Variants in ABI2 observed in about 807,000 individuals in gnomAD.
ABI2 encodes the protein abl interactor 2.
Under a neutral mutation model 59.2 loss-of-function variants are expected in ABI2, and 25 were observed. That is an observed-to-expected ratio of 0.42 (90% CI 0.31 to 0.59). ABI2 has a LOEUF of 0.59. Among genes scored for constraint, ABI2 ranks in the 20% least tolerant of loss-of-function variants. ABI2 has a pLI of 0.14. For synonymous variants in ABI2, 213 were observed against 235.5 expected (o/e 0.90, Z 0.87); for missense variants, 545 against 681.8 (o/e 0.80, Z 2.23).
intron 9 of ABI2, among the ~76,000 whole-genome samples, chr2:203,407,720 G>A (rs1260399891): frequency 6.6e-6 from 1 of 152,182 alleles, no homozygotes; most frequent in African/African-American, 2.4e-5. Context: ...TATTGGGAAA[G>A]AGTCTTGTCT....
At chr2:203,413,836 C>T (rs555484841) in intron 10 of ABI2, among the ~76,000 whole-genome samples, 1 of 152,158 alleles carries the variant, frequency 6.6e-6, no homozygotes, top group Non-Finnish European at 1.5e-5. Context: ...CAAATACTCA[C>T]TCTGCATTAA....
intron 2 of ABI2, 22 bp from the exon 3 acceptor site, chr2:203,380,185 GT>G: frequency 1.3e-6 from 2 of 1,482,084 alleles, no homozygotes; most frequent in Non-Finnish European, 1.8e-6. Flanking sequence ...TTTTTGTGTT[GT>G]TTTTTACATT....
chr2:203,344,978 T>C (rs958639236), intron 1 of ABI2, among the ~76,000 whole-genome samples: 1 of 151,964 alleles, frequency 6.6e-6, no homozygotes, highest in African/African-American at 2.4e-5. Flanking sequence ...CTCTGTAAAA[T>C]GGACCAATCA....
intron 1 of ABI2, among the ~76,000 whole-genome samples, chr2:203,352,050 C>T (rs973561774): frequency 6.6e-6 from 1 of 152,054 alleles, no homozygotes; most frequent in Non-Finnish European, 1.5e-5. Context: ...CGCTACTAGT[C>T]GTTATAGAAG....
chr2:203,366,364 T>TA (rs2094447691), intron 1 of ABI2, among the ~76,000 whole-genome samples: 1 of 152,160 alleles, frequency 6.6e-6, no homozygotes, highest in South Asian at 2.1e-4. Flanking sequence ...TGATTATTAT[T>TA]ACCATTTTAT....
At chr2:203,331,848 C>CGACA (rs2073835843) in intron 1 of ABI2, among the ~76,000 whole-genome samples, 1 of 146,880 alleles carries the variant, frequency 6.8e-6, no homozygotes, top group Admixed American at 6.8e-5. Flanking sequence ...TTCACTCTGT[C>CGACA]GCCCAGGCTG....
chr2:203,336,896 G>A (rs1277994966), intron 1 of ABI2, among the ~76,000 whole-genome samples: 2 of 152,112 alleles, frequency 1.3e-5, no homozygotes, highest in Non-Finnish European at 2.9e-5. Flanking sequence ...CGATGGTACC[G>A]TTTTGCGTTC....
chr2:203,411,780 G>T (rs1316713086), intron 10 of ABI2, among the ~76,000 whole-genome samples: 1 of 152,086 alleles, frequency 6.6e-6, no homozygotes, highest in African/African-American at 2.4e-5. Context: ...TTTATGGTAG[G>T]GCTCAGAGGA....
intron 10 of ABI2, among the ~76,000 whole-genome samples, chr2:203,415,758 T>C (rs1387172687): frequency 6.6e-6 from 1 of 152,212 alleles, no homozygotes; most frequent in Non-Finnish European, 1.5e-5. Context: ...GTGCTGTTCA[T>C]TAAACCTGGG....
At chr2:203,397,435 G>C (rs575743650) in intron 8 of ABI2, among the ~76,000 whole-genome samples, 21 of 152,252 alleles carry the variant, frequency 1.4e-4, no homozygotes, top group Non-Finnish European at 3.1e-4. Flanking sequence ...GAAACTCATA[G>C]ACAATGGACT....
chr2:203,374,722 G>A, intron 2 of ABI2: 1 of 408,804 alleles, frequency 2.4e-6, no homozygotes, highest in South Asian at 1.7e-5. Context: ...TAATTTAAAT[G>A]TTTATTTGAA....
intron 10 of ABI2, among the ~76,000 whole-genome samples, chr2:203,416,457 G>A (rs865913888): frequency 1.3e-5 from 2 of 151,950 alleles, no homozygotes; most frequent in Non-Finnish European, 2.9e-5. Flanking sequence ...GACCATGTGC[G>A]ACTAATTTTT....
chr2:203,381,542 C>T (rs570521936), intron 3 of ABI2, among the ~76,000 whole-genome samples: 2 of 152,330 alleles, frequency 1.3e-5, no homozygotes, highest in East Asian at 3.9e-4. Flanking sequence ...ATTGGGATTA[C>T]AGGTGTAAGC....
At chr2:203,376,002 C>T (rs1461185758) in intron 2 of ABI2, 1 of 1,324,708 alleles carries the variant, frequency 7.5e-7, no homozygotes, top group Non-Finnish European at 1.0e-6. Context: ...GTTAGATTAC[C>T]TTTATTATTA....
At chr2:203,370,600 T>TC (rs1055597051) in intron 2 of ABI2, among the ~76,000 whole-genome samples, 9 of 152,238 alleles carry the variant, frequency 5.9e-5, no homozygotes, top group Non-Finnish European at 1.2e-4. Flanking sequence ...AAATACTTTT[T>TC]CCAAATGTTT....
chr2:203,410,702 CACTT>C (rs2097633516), intron 9 of ABI2, among the ~76,000 whole-genome samples: 1 of 152,110 alleles, frequency 6.6e-6, no homozygotes, highest in Admixed American at 6.5e-5. Flanking sequence ...AGGTGTTTGC[CACTT>C]ACTTAGTATG....
At chr2:203,403,742 G>GTTTTTTTTTT in intron 9 of ABI2, among the ~76,000 whole-genome samples, 1 of 95,300 alleles carries the variant, frequency 1.0e-5, no homozygotes, top group Non-Finnish European at 1.9e-5. Flanking sequence ...CTTTCTTTCT[G>GTTTTTTTTTT]TTTTTTTTTT....
At chr2:203,415,579 T>G (rs1261765649) in intron 10 of ABI2, among the ~76,000 whole-genome samples, 1 of 130,158 alleles carries the variant, frequency 7.7e-6, no homozygotes, top group African/African-American at 3.0e-5. Flanking sequence ...ATCACACCAC[T>G]GCACTCCAGC....
rs1263626568 is a variant in ABI2 at position 203,428,465 on chromosome 2, T to G, written c.*1113T>G. On this transcript the variant is annotated 3_prime_UTR_variant, in exon 12 of 12. Coordinates refer to ENST00000261018, the MANE Select transcript of ABI2 (RefSeq NM_001375670.1). ...CTTAGCTGTAGAAAGGGTAATACTC[T>G]CCTGATTTTGTATGATTGGACTCTT... 6.6e-6 allele frequency: 1 copy of G among 152,522 alleles called. No homozygotes were observed. The highest frequency in any genetic ancestry group is 1.5e-5 in the Non-Finnish European group (1 of 68,036). 9.4% of individuals were successfully genotyped at this position (152,522 alleles called of 1,614,324 possible).
Sources: allele counts gnomAD v4.1 joint callset (sites outside exome capture counted in the v4.1 genomes callset), GRCh38; gene constraint gnomAD v4.1.1; transcripts MANE v1.5; gene names NCBI Gene and HGNC (gene_info 2026-07-23, HGNC 2026-07-21).